The following UGT2B17 variants were observed in gnomAD, a reference collection of about 807,000 sequenced individuals.
UGT2B17 encodes the protein UDP glucuronosyltransferase family 2 member B17.
A neutral mutation model predicts 48.2 loss-of-function variants in UGT2B17; 21 were observed. The ratio of observed to expected loss-of-function variants is 0.44; its 90% CI spans 0.31 to 0.63. The LOEUF (loss-of-function observed/expected upper bound fraction) is 0.63. Ranked by LOEUF, UGT2B17 falls within the 20% of genes least tolerant of loss-of-function variation. The pLI is 0.08. For synonymous variants in UGT2B17, 146 were observed against 238.4 expected (o/e 0.61, Z 3.57); for missense variants, 402 against 696.1 (o/e 0.58, Z 4.75).
At chr4:68,554,477 T>G (rs1364093836) in intron 4 of UGT2B17, among the ~76,000 whole-genome samples, 1 of 125,744 alleles carries the variant, frequency 8.0e-6, no homozygotes, top group Admixed American at 8.2e-5. Context: ...TTGCTTTTAT[T>G]TTTCTATTAA....
At chr4:68,574,271 T>A (rs1731335614) in intron 1 of UGT2B17, among the ~76,000 whole-genome samples, 1 of 127,230 alleles carries the variant, frequency 7.9e-6, no homozygotes, top group Admixed American at 8.0e-5. Context: ...CATTTTATAT[T>A]TAATGTTTCT....
intron 3 of UGT2B17, among the ~76,000 whole-genome samples, chr4:68,564,204 G>T (rs1333179490): frequency 1.7e-5 from 2 of 118,820 alleles, no homozygotes; most frequent in Non-Finnish European, 3.5e-5. Flanking sequence ...AAGGAAATCT[G>T]ATCATATCTC....
Position 68,538,057 on chromosome 4 carries a change from T to C in UGT2B17, c.1314-153A>G, listed in dbSNP as rs1326272081. ...AATATTAATGTTTTAATGTATGTCA[T>C]TACAGAAAGTTTGGTTTTTAAATTG... On this transcript the variant is annotated intron_variant, in intron 6 of 6. Coordinates refer to ENST00000317746, the MANE Select transcript of UGT2B17 (RefSeq NM_001077.4). 1.6e-5 allele frequency among the ~76,000 whole-genome samples: 2 copies of C among 126,640 alleles called. 1 individual carries two copies. Among genetic ancestry groups the C allele is most frequent in the Admixed American group, 1.6e-4 (2 of 12,326 alleles). 83.1% of individuals were successfully genotyped at this position (126,640 alleles called of 152,430 possible). A position where few individuals can be genotyped will look rare whatever the true frequency, so the allele number is the denominator to read the frequency against.
rs139405862 is a variant in UGT2B17, at chr4:68,549,424, A to G, written c.1313+1253T>C. Reference sequence around the variant, plus strand: ...GTATATTTGATAAGGGATAGTATCTATAACATATTAATAATTCTTATGAAT... The same window carrying G: ...GTATATTTGATAAGGGATAGTATCTGTAACATATTAATAATTCTTATGAAT... On this transcript the variant is annotated intron_variant, in intron 6 of 6. Coordinates refer to ENST00000317746, the MANE Select transcript of UGT2B17 (RefSeq NM_001077.4). Among the ~76,000 whole-genome samples, 2 of 125,402 alleles carry G rather than the reference A, an allele frequency of 1.6e-5. 1 individual carries two copies. Among genetic ancestry groups the G allele is most frequent in the East Asian group, 1.5e-3 (2 of 1,348 alleles). 82.3% of individuals were successfully genotyped at this position (125,402 alleles called of 152,430 possible).
rs1180451555 is a variant in UGT2B17, at chr4:68,571,320, C to G, written c.-64-2772G>C. ...TAAGAAGAAAGAAGGCTTAATGGTG[C>G]GAATTACACAGCTACCTGTCTACTG... On this transcript the variant is annotated intron_variant, in intron 1 of 6. Coordinates refer to ENST00000317746, the MANE Select transcript of UGT2B17 (RefSeq NM_001077.4). Among the ~76,000 whole-genome samples, 4 of 125,166 alleles carry G rather than the reference C, an allele frequency of 3.2e-5. 2 individuals are homozygous for G. The highest frequency in any genetic ancestry group is 6.7e-5 in the Non-Finnish European group (4 of 59,274). 82.1% of individuals were successfully genotyped at this position (125,166 alleles called of 152,430 possible). A position where few individuals can be genotyped will look rare whatever the true frequency, so the allele number is the denominator to read the frequency against.
rs555177088 is a variant in UGT2B17, at chr4:68,557,612, T to A, written c.1005+2925A>T. Among the ~76,000 whole-genome samples, 108 of 127,158 alleles carry A rather than the reference T, an allele frequency of 8.5e-4. 5 individuals are homozygous for A. The highest frequency in any genetic ancestry group is 2.7e-3 in the African/African-American group (102 of 37,456). The allele number at this position is 127,158 out of a possible 152,430, so 83.4% of individuals were successfully genotyped here. On this transcript the variant is annotated intron_variant, in intron 4 of 6. Coordinates refer to ENST00000317746, the MANE Select transcript of UGT2B17 (RefSeq NM_001077.4). ...ATTTAGTATACTCCTATGAAAAAAATTTAGAACATATTTGTTTCCCTCTAC... is the reference window on the plus strand; with the variant it reads ...ATTTAGTATACTCCTATGAAAAAAAATTAGAACATATTTGTTTCCCTCTAC...
At chr4:68,569,222 C>T (rs1291822621) in intron 1 of UGT2B17, among the ~76,000 whole-genome samples, 1 of 127,396 alleles carries the variant, frequency 7.8e-6, no homozygotes, top group African/African-American at 2.7e-5. Flanking sequence ...TGAGAGGATC[C>T]ACACACCCTC....
rs1387074234 is a variant in UGT2B17, at chr4:68,564,288, A to ATTTTTT, written c.873+1283_873+1284insAAAAAA. The stretch of plus-strand genomic sequence containing the variant: ...TATCAAATTTCATATATATATATAT[A>ATTTTTT]TATATATTTTTTTTTTTTGAGACAG... On this transcript the variant is annotated intron_variant, in intron 3 of 6. Coordinates refer to ENST00000317746, the MANE Select transcript of UGT2B17 (RefSeq NM_001077.4). Among the ~76,000 whole-genome samples the ATTTTTT allele has an allele frequency of 2.3e-3, 202 of 87,326 alleles. 16 individuals carry two copies. The highest frequency in any genetic ancestry group is 0.012 in the African/African-American group (185 of 14,926). 57.3% of individuals were successfully genotyped at this position (87,326 alleles called of 152,430 possible).
rs557101887 is a variant in UGT2B17, at chr4:68,554,673, T to C, written c.1006-2762A>G. On this transcript the variant is annotated intron_variant, in intron 4 of 6. Transcript: ENST00000317746. Reference sequence around the variant, plus strand: ...GTTTAATTGGCAATTAAATCCATTTTATTTTCCTTCTAGCACACCAATTTT... The same window carrying C: ...GTTTAATTGGCAATTAAATCCATTTCATTTTCCTTCTAGCACACCAATTTT... Among the ~76,000 whole-genome samples the C allele has an allele frequency of 2.1e-4, 26 of 125,950 alleles. 9 individuals carry two copies. In the South Asian group the frequency reaches 8.0e-3, roughly 39 times the overall value. 82.6% of individuals were successfully genotyped at this position (125,950 alleles called of 152,430 possible). A position where few individuals can be genotyped will look rare whatever the true frequency, so the allele number is the denominator to read the frequency against.
At chr4:68,574,853 C>A (rs1179302176) in intron 1 of UGT2B17, among the ~76,000 whole-genome samples, 1 of 124,764 alleles carries the variant, frequency 8.0e-6, no homozygotes, top group African/African-American at 2.7e-5. Context: ...TGACTTATTA[C>A]AAACATTTTT....
At chr4:68,546,406 G>A (rs1265652263) in intron 6 of UGT2B17, among the ~76,000 whole-genome samples, 1 of 126,034 alleles carries the variant, frequency 7.9e-6, no homozygotes, top group African/African-American at 2.7e-5. Context: ...CAATAAATTA[G>A]GTATTGATGG....
intron 1 of UGT2B17, among the ~76,000 whole-genome samples, chr4:68,569,846 C>A (rs1731271763): frequency 7.9e-6 from 1 of 126,646 alleles, no homozygotes; most frequent in African/African-American, 2.7e-5. Flanking sequence ...CCTCAGCCCA[C>A]CTGCACCCAG....
Position 68,550,062 on chromosome 4 carries a change from T to C in UGT2B17, c.1313+615A>G, listed in dbSNP as rs1377646001. ...TGTATGATTTCATTTATATAAAATATGTGAAGAGAATAATCTATTGAGAAA... is the reference window on the plus strand; with the variant it reads ...TGTATGATTTCATTTATATAAAATACGTGAAGAGAATAATCTATTGAGAAA... On this transcript the variant is annotated intron_variant, in intron 6 of 6. Coordinates refer to ENST00000317746, the MANE Select transcript of UGT2B17 (RefSeq NM_001077.4). Among the ~76,000 whole-genome samples, 2 of 125,494 alleles carry C rather than the reference T, an allele frequency of 1.6e-5. 1 individual carries two copies. Among genetic ancestry groups the C allele is most frequent in the Non-Finnish European group, 3.4e-5 (2 of 59,396 alleles). The allele number at this position is 125,494 out of a possible 152,430, so 82.3% of individuals were successfully genotyped here.
At chr4:68,539,008 C>T (rs1395955416) in intron 6 of UGT2B17, among the ~76,000 whole-genome samples, 1 of 126,006 alleles carries the variant, frequency 7.9e-6, no homozygotes, top group African/African-American at 2.7e-5. Flanking sequence ...ACACTATAGG[C>T]ACCCATAGGA....
chr4:68,541,330 C>T lies in UGT2B17; in HGVS notation c.1314-3426G>A, dbSNP rs1730651724. On this transcript the variant is annotated intron_variant, in intron 6 of 6. Transcript: ENST00000317746. ...ATCTGTTGTTTTTTGACTTTTTAAT[C>T]ATCTCCATTCTGACTGGCATGAGAT... is the stretch of plus-strand genomic sequence containing the variant. 1.6e-5 allele frequency among the ~76,000 whole-genome samples: 2 copies of T among 126,042 alleles called. 1 individual carries two copies. Among genetic ancestry groups the T allele is most frequent in the Non-Finnish European group, 3.4e-5 (2 of 59,510 alleles). The allele number at this position is 126,042 out of a possible 152,430, so 82.7% of individuals were successfully genotyped here.
rs1174802312 is a variant in UGT2B17, at chr4:68,569,887, C to A, written c.-64-1339G>T. Among the ~76,000 whole-genome samples the A allele has an allele frequency of 2.4e-5, 3 of 126,748 alleles. 1 individual carries two copies. The highest frequency in any genetic ancestry group is 5.0e-5 in the Non-Finnish European group (3 of 59,634). The allele number at this position is 126,748 out of a possible 152,430, so 83.2% of individuals were successfully genotyped here. The stretch of plus-strand genomic sequence containing the variant: ...CATTAAAACAGCACGCTGCTCCGCA[C>A]TGCCTCGTGTTGTCTGTTGGCATGC... On this transcript the variant is annotated intron_variant, in intron 1 of 6. Transcript: ENST00000317746.
At position 68,570,662 on chromosome 4, in the gene UGT2B17, G is replaced by T. The variant is rs565212810; in HGVS notation, c.-64-2114C>A. Among the ~76,000 whole-genome samples the T allele has an allele frequency of 1.7e-4, 22 of 126,362 alleles. 6 individuals are homozygous for T. In the South Asian group the frequency reaches 7.5e-3, roughly 43 times the overall value. 82.9% of individuals were successfully genotyped at this position (126,362 alleles called of 152,430 possible). On this transcript the variant is annotated intron_variant, in intron 1 of 6. Coordinates refer to ENST00000317746, the MANE Select transcript of UGT2B17 (RefSeq NM_001077.4). Reference sequence around the variant, plus strand: ...TGATAGTGATTCATATAGTACAGTTGTGCTGAAGCATTTTGTTGAACTAAG... The same window carrying T: ...TGATAGTGATTCATATAGTACAGTTTTGCTGAAGCATTTTGTTGAACTAAG...
In UGT2B17 at chr4:68,564,183, A is replaced by AT. The variant is rs1261874524; in HGVS notation, c.873+1388dup. On this transcript the variant is annotated intron_variant, in intron 3 of 6. Transcript: ENST00000317746. Reference sequence around the variant, plus strand: ...AATATTACACATTGAGAACATTGGGATTTTTTTTGAAAGGAAATCTGATCA... The same window carrying AT: ...AATATTACACATTGAGAACATTGGGATTTTTTTTTGAAAGGAAATCTGATCA... 1.8e-4 allele frequency among the ~76,000 whole-genome samples: 21 copies of AT among 119,658 alleles called. 1 individual carries two copies. The highest frequency in any genetic ancestry group is 6.0e-4 in the African/African-American group (21 of 34,762). The allele number at this position is 119,658 out of a possible 152,430, so 78.5% of individuals were successfully genotyped here.
At position 68,543,876 on chromosome 4, in the gene UGT2B17, T is replaced by A. The variant is rs1730738460; in HGVS notation, c.1314-5972A>T. On this transcript the variant is annotated intron_variant, in intron 6 of 6. Coordinates refer to ENST00000317746, the MANE Select transcript of UGT2B17 (RefSeq NM_001077.4). ...ATGAAATGAAGCAAGAAGAGAAGTTTAGACAAAAAAGAATAAAAAGAAATG... is the reference window on the plus strand; with the variant it reads ...ATGAAATGAAGCAAGAAGAGAAGTTAAGACAAAAAAGAATAAAAAGAAATG... Among the ~76,000 whole-genome samples, 2 of 125,036 alleles carry A rather than the reference T, an allele frequency of 1.6e-5. 1 individual carries two copies. 82.0% of individuals were successfully genotyped at this position (125,036 alleles called of 152,430 possible). A position where few individuals can be genotyped will look rare whatever the true frequency, so the allele number is the denominator to read the frequency against.
Sources: gnomAD v4.1 joint callset for allele counts (sites outside exome capture counted in the v4.1 genomes callset) on GRCh38, gnomAD v4.1.1 for gene constraint, MANE v1.5 for transcripts, NCBI Gene and HGNC (gene_info 2026-07-23, HGNC 2026-07-21) for gene names.